The following DAB1 variants were observed in gnomAD, a reference collection of about 807,000 sequenced individuals.
DAB1 encodes DAB adaptor protein 1.
Under a neutral mutation model 64.6 loss-of-function variants are expected in DAB1, and 15 were observed. The observed-to-expected ratio is 0.23, with a 90% confidence interval of 0.16 to 0.36. The LOEUF is 0.36. DAB1 is among the 10% of genes least tolerant of loss of function. The probability of loss-of-function intolerance (pLI) is 1.00; values close to 1 mark genes in which losing one functional copy is unlikely to be tolerated. For missense variants in DAB1, 596 were observed against 706.7 expected, an observed-to-expected ratio of 0.84 and a Z score of 1.78; for synonymous variants, 235 against 251.9, an observed-to-expected ratio of 0.93 and a Z score of 0.64.
intron 7 of DAB1, among the ~76,000 whole-genome samples, chr1:57,563,297 A>C (rs1420046222): frequency 6.6e-6 from 1 of 152,180 alleles, no homozygotes; most frequent in African/African-American, 2.4e-5. Flanking sequence ...TGTAATAAGA[A>C]AATATCTTCA....
chr1:58,288,500 A>G (rs1661743330), intron 4 of DAB1, among the ~76,000 whole-genome samples: 1 of 152,204 alleles, frequency 6.6e-6, no homozygotes, highest in Non-Finnish European at 1.5e-5. Context: ...TGAAGTGGGA[A>G]GAATCAGCTC....
At chr1:57,871,331 G>C (rs1328621250) in intron 1 of DAB1, among the ~76,000 whole-genome samples, 1 of 151,892 alleles carries the variant, frequency 6.6e-6, no homozygotes, top group Non-Finnish European at 1.5e-5. Context: ...AATCCTTCAA[G>C]TGAATTGATT....
chr1:57,062,963 A>G lies in DAB1; in HGVS notation c.664-20T>C, dbSNP rs570333183. 6.2e-7 allele frequency: 1 copy of G among 1,611,094 alleles called. No individual in the cohort carries two copies. The highest frequency in any genetic ancestry group is 1.3e-5 in the African/African-American group (1 of 74,994). ...GGGAACCTATGGAAAAATTAAATTC[A>G]GCACAGTCAAAACACTCTGGTACTC... On this transcript the variant is annotated intron_variant, in intron 8 of 14. Coordinates refer to ENST00000371236, the MANE Select transcript of DAB1 (RefSeq NM_001365792.1).
intron 5 of DAB1, among the ~76,000 whole-genome samples, chr1:58,031,966 A>C (rs1358059931): frequency 6.6e-6 from 1 of 150,554 alleles, no homozygotes; most frequent in Non-Finnish European, 1.5e-5. Context: ...CCATTTTATC[A>C]CAGCTGCAAG....
intron 4 of DAB1, among the ~76,000 whole-genome samples, chr1:58,305,622 T>G (rs1662287672): frequency 2.0e-5 from 3 of 151,456 alleles, no homozygotes; most frequent in Non-Finnish European, 4.4e-5. Context: ...AGAAATAAAG[T>G]TATCAGATCA....
At chr1:58,132,874 C>A (rs1653715486) in intron 5 of DAB1, among the ~76,000 whole-genome samples, 1 of 152,096 alleles carries the variant, frequency 6.6e-6, no homozygotes, top group South Asian at 2.1e-4. Flanking sequence ...TTAACATAAT[C>A]CAGATATCAG....
chr1:58,365,574 A>G (rs1332754893), intron 3 of DAB1, among the ~76,000 whole-genome samples: 1 of 152,190 alleles, frequency 6.6e-6, no homozygotes, highest in Non-Finnish European at 1.5e-5. Context: ...TGGTTGACCA[A>G]TGCTTTATTG....
At chr1:57,282,153 A>C (rs1362353045) in intron 2 of DAB1, among the ~76,000 whole-genome samples, 1 of 141,920 alleles carries the variant, frequency 7.0e-6, no homozygotes, top group African/African-American at 2.6e-5. Context: ...ACTGCACTCC[A>C]GCCTGGGTGA....
intron 5 of DAB1, among the ~76,000 whole-genome samples, chr1:57,907,165 T>C (rs1202795): frequency 0.65 from 99,085 of 152,060 alleles, 32,885 homozygotes; most frequent in African/African-American, 0.78. Context: ...TGAGGACTTG[T>C]AATATATCTT....
chr1:57,873,521 C>A (rs569402777), intron 1 of DAB1, among the ~76,000 whole-genome samples: 3 of 152,292 alleles, frequency 2.0e-5, no homozygotes, highest in Admixed American at 2.0e-4. Context: ...AAGCAGGTGG[C>A]ATTTAATCTT....
At chr1:57,923,783 T>G (rs1272687386) in intron 5 of DAB1, among the ~76,000 whole-genome samples, 1 of 152,234 alleles carries the variant, frequency 6.6e-6, no homozygotes, top group Non-Finnish European at 1.5e-5. Flanking sequence ...CGGTTTCTCC[T>G]TCTACCAGAA....
chr1:57,932,544 C>T (rs1247727161), intron 5 of DAB1, among the ~76,000 whole-genome samples: 1 of 151,088 alleles, frequency 6.6e-6, no homozygotes, highest in Non-Finnish European at 1.5e-5. Context: ...ATTAAAGGCT[C>T]CAATTACAAT....
chr1:58,290,228 C>A (rs187320525), intron 4 of DAB1, among the ~76,000 whole-genome samples: 2 of 152,106 alleles, frequency 1.3e-5, no homozygotes, highest in Admixed American at 1.3e-4. Flanking sequence ...CATAAGAGCA[C>A]CTGGAAGGAC....
At chr1:57,834,282 T>G (rs1652712841) in intron 1 of DAB1, among the ~76,000 whole-genome samples, 1 of 152,162 alleles carries the variant, frequency 6.6e-6, no homozygotes, top group African/African-American at 2.4e-5. Flanking sequence ...GCCATACTCC[T>G]ACCATTCTAC....
chr1:58,058,432 T>C (rs1396653879), intron 5 of DAB1, among the ~76,000 whole-genome samples: 3 of 152,174 alleles, frequency 2.0e-5, no homozygotes, highest in African/African-American at 7.2e-5. Flanking sequence ...TTAAACTCAT[T>C]TACGCCATTC....
At chr1:57,496,231 G>C (rs1360061832) in intron 7 of DAB1, among the ~76,000 whole-genome samples, 1 of 152,080 alleles carries the variant, frequency 6.6e-6, no homozygotes, top group East Asian at 1.9e-4. Flanking sequence ...TCCCCACCCT[G>C]CCTCTGCACT....
At chr1:57,692,886 G>A (rs1304436457) in intron 6 of DAB1, among the ~76,000 whole-genome samples, 1 of 152,132 alleles carries the variant, frequency 6.6e-6, no homozygotes, top group African/African-American at 2.4e-5. Flanking sequence ...TACAGGAAAA[G>A]GCTTCTGAAA....
intron 7 of DAB1, among the ~76,000 whole-genome samples, chr1:57,502,458 C>T (rs1547792): frequency 0.96 from 146,170 of 152,254 alleles, 70,422 homozygotes; most frequent in East Asian, 1. Context: ...TCCAGTTTAA[C>T]TTTCTTTCAC....
intron 1 of DAB1, among the ~76,000 whole-genome samples, chr1:57,320,434 G>T (rs1230250940): frequency 1.3e-5 from 2 of 152,108 alleles, no homozygotes; most frequent in Non-Finnish European, 2.9e-5. Flanking sequence ...CTAACTTCTT[G>T]AATTTTGTAA....
Sources: allele counts gnomAD v4.1 joint callset (sites outside exome capture counted in the v4.1 genomes callset), GRCh38; gene constraint gnomAD v4.1.1; transcripts MANE v1.5; gene names NCBI Gene and HGNC (gene_info 2026-07-23, HGNC 2026-07-21).